FCMR: variants seen among roughly 807,000 people sequenced by gnomAD.
The protein encoded by FCMR is Fc mu receptor, also known as immunoglobulin mu Fc receptor.
Under a neutral mutation model 41.6 loss-of-function variants are expected in FCMR, and 34 were observed. That is an observed-to-expected ratio of 0.82 (90% CI 0.62 to 1.09). The LOEUF (loss-of-function observed/expected upper bound fraction) is 1.09, where lower values mean the gene tolerates loss of function less well. Ranked by LOEUF, FCMR falls within the 50% of genes least tolerant of loss-of-function variation. The probability of loss-of-function intolerance (pLI) is 0.00; values close to 1 mark genes in which losing one functional copy is unlikely to be tolerated. For synonymous variants in FCMR, 209 were observed against 211.8 expected (o/e 0.99, Z 0.12); for missense variants, 496 against 512.5 (o/e 0.97, Z 0.31).
intron 3 of FCMR, 89 bp downstream of exon 3, chr1:206,912,840 T>C (rs1321428225): frequency 1.6e-5 from 15 of 915,822 alleles, no homozygotes; most frequent in Non-Finnish European, 1.8e-5. Context: ...TGCCAGCCAC[T>C]CTATGAACTG....
rs368503889 is a variant in FCMR, at chr1:206,911,738, G to C, written c.702C>G (p.His234Gln). 2 of 1,610,882 alleles carry C rather than the reference G, an allele frequency of 1.2e-6. No individual in the cohort carries two copies. Among genetic ancestry groups the C allele is most frequent in the African/African-American group, 2.7e-5 (2 of 74,700 alleles). ...TPSYNHHTRLHRQRALDYGSQ... is the reference protein window; with the variant it reads ...TPSYNHHTRLQRQRALDYGSQ... Reference sequence around the variant, plus strand: ...GGACAGTGGTCTCTTACCTCTGCCTGTGCAGCCTGGTGTGGTGGTTGTAGC... The same window carrying C: ...GGACAGTGGTCTCTTACCTCTGCCTCTGCAGCCTGGTGTGGTGGTTGTAGC... The change falls in exon 4 of 8, where the codon CAC (histidine) becomes CAG (glutamine). Residue 234 changes from histidine (H) to glutamine (Q), a missense_variant. Transcript: ENST00000367091.
chr1:206,914,357 T>TTC (rs1558003870), intron 1 of FCMR, among the ~76,000 whole-genome samples: 1 of 131,600 alleles, frequency 7.6e-6, no homozygotes, highest in Non-Finnish European at 1.6e-5. Context: ...TTCCTTCCTT[T>TTC]CTTTCTTTTT....
intron 1 of FCMR, among the ~76,000 whole-genome samples, chr1:206,920,744 T>C (rs1457403753): frequency 2.0e-5 from 3 of 152,216 alleles, no homozygotes; most frequent in Non-Finnish European, 4.4e-5. Flanking sequence ...ACTGCAGGCA[T>C]CCTGAGTTAG....
At chr1:206,917,338 C>T (rs1213078057) in intron 1 of FCMR, among the ~76,000 whole-genome samples, 6 of 152,048 alleles carry the variant, frequency 3.9e-5, no homozygotes, top group South Asian at 2.1e-4. Context: ...GTTTATCAAA[C>T]GGGGCATGGA....
chr1:206,913,634 T>C (rs147808423), intron 2 of FCMR, 125 bp downstream of exon 2: 14 of 724,140 alleles, frequency 1.9e-5, no homozygotes, highest in Non-Finnish European at 2.8e-5. Context: ...ATCTCAATCA[T>C]TATGTGGCTT....
chr1:206,921,293 C>T (rs919027253), intron 1 of FCMR: 4 of 305,926 alleles, frequency 1.3e-5, no homozygotes, highest in Non-Finnish European at 2.7e-5. Flanking sequence ...AGAGATGACA[C>T]CTTCAGCTCT....
At chr1:206,916,780 G>A (rs568623344) in intron 1 of FCMR, among the ~76,000 whole-genome samples, 1 of 152,384 alleles carries the variant, frequency 6.6e-6, no homozygotes, top group East Asian at 1.9e-4. Flanking sequence ...AGACTCATCT[G>A]AGGAGATTGG....
At chr1:206,906,152 T>C in intron 7 of FCMR, 1 of 516,800 alleles carries the variant, frequency 1.9e-6, no homozygotes, top group Non-Finnish European at 3.9e-6. Context: ...AAGAAAGACC[T>C]GGATCCCAGA....
At chr1:206,917,299 G>C (rs568846884) in intron 1 of FCMR, among the ~76,000 whole-genome samples, 1,916 of 152,266 alleles carry the variant, frequency 0.013, 24 homozygotes, top group Non-Finnish European at 0.018. Context: ...CAGATCTCAG[G>C]AAGAGGAGAG....
At chr1:206,906,376 G>A (rs1328829965) in intron 7 of FCMR, 1 of 194,054 alleles carries the variant, frequency 5.2e-6, no homozygotes, top group Non-Finnish European at 1.1e-5. Flanking sequence ...AAGAGGATGA[G>A]GCAGAGGAAA....
At position 206,909,753 on chromosome 1, in the gene FCMR, C is replaced by A; in HGVS notation, c.957G>T (p.Pro319=). 1 of 1,464,072 alleles carries A rather than the reference C, an allele frequency of 6.8e-7. No homozygotes were observed. Among genetic ancestry groups the A allele is most frequent in the Admixed American group, 2.7e-5 (1 of 37,590 alleles). The allele number at this position is 1,464,072 out of a possible 1,614,324, so 90.7% of individuals were successfully genotyped here. The part of the protein sequence containing the change: ...RSQNNIYSAC[P]RRARGADAAG... ...CAGCGTCCGCTCCACGAGCGCGCCG[C>A]GGGCAGGCGCTGTAGATGTTGTTTT... is the stretch of plus-strand genomic sequence containing the variant. Residue 319 remains proline, a synonymous_variant, in exon 6 of 8, where the codon CCG becomes CCT. Transcript: ENST00000367091. This position sits in a 1 kb window ranked among gnomAD's most constrained non-coding sequence, Gnocchi z 5.0.
At chr1:206,916,402 A>G (rs1237141554) in intron 1 of FCMR, among the ~76,000 whole-genome samples, 1 of 152,210 alleles carries the variant, frequency 6.6e-6, no homozygotes, top group Non-Finnish European at 1.5e-5. Context: ...CAAGAGCAAG[A>G]TGGTACACAA....
At chr1:206,912,861 CCCT>C in intron 3 of FCMR, 65 bp downstream of exon 3, 1 of 1,070,160 alleles carries the variant, frequency 9.3e-7, no homozygotes, top group Non-Finnish European at 1.5e-6. Flanking sequence ...AACATAGACC[CCCT>C]CCTCCATTTT....
intron 1 of FCMR, among the ~76,000 whole-genome samples, chr1:206,916,370 G>C (rs2102571103): frequency 6.6e-6 from 1 of 152,342 alleles, no homozygotes; most frequent in African/African-American, 2.4e-5. Context: ...CAGCCAGGAA[G>C]GGGGTGTGAA....
chr1:206,921,818 C>G lies in FCMR; in HGVS notation c.37G>C (p.Val13Leu). 1 of 1,613,922 alleles carries G rather than the reference C, an allele frequency of 6.2e-7. No individual in the cohort carries two copies. Among genetic ancestry groups the G allele is most frequent in the Non-Finnish European group, 8.5e-7 (1 of 1,179,804 alleles). The stretch of plus-strand genomic sequence containing the variant: ...TGAAGTGTTTCCCCACGGTACTTAC[C>G]TGGCAGGAAGTAAAGTGGCCAAAGC... ...FWLWPLYFLP[V>L]SGALRILPEV... Residue 13 changes from valine (V) to leucine (L), a missense_variant and splice_region_variant, in exon 1 of 8, where the codon GTA (valine) becomes CTA (leucine). Physicochemically the swap from Val to Leu is conservative, Grantham distance 32 (BLOSUM62 1). Transcript: ENST00000367091.
At chr1:206,919,474 T>C (rs1290195055) in intron 1 of FCMR, among the ~76,000 whole-genome samples, 1 of 152,136 alleles carries the variant, frequency 6.6e-6, no homozygotes, top group Non-Finnish European at 1.5e-5. Context: ...CATGTGCCTG[T>C]AGTCCCAGCT....
chr1:206,918,503 A>C (rs1432927099), intron 1 of FCMR, among the ~76,000 whole-genome samples: 2 of 152,154 alleles, frequency 1.3e-5, no homozygotes, highest in Non-Finnish European at 2.9e-5. Flanking sequence ...AATGTGTAAG[A>C]TATATGCCAA....
chr1:206,907,087 T>TGGGGGGGG (rs1441828397), intron 7 of FCMR, among the ~76,000 whole-genome samples: 6 of 19,572 alleles, frequency 3.1e-4, no homozygotes, highest in Non-Finnish European at 5.6e-4. Context: ...AGCCGGGGGG[T>TGGGGGGGG]GGGGGGGTGG....
rs570774936 is a variant in FCMR at position 206,918,075 on chromosome 1, G to A, written c.37+3743C>T. Among the ~76,000 whole-genome samples the A allele has an allele frequency of 2.6e-5, 4 of 152,114 alleles. No individual in the cohort carries two copies. The East Asian group carries it at 5.8e-4, about 22-fold the overall frequency. Reference sequence around the variant, plus strand: ...TTCAATCCACTTCTATCAGAATTTCGTGTCCAGTATTCCACTGAAACTGCT... The same window carrying A: ...TTCAATCCACTTCTATCAGAATTTCATGTCCAGTATTCCACTGAAACTGCT... On this transcript the variant is annotated intron_variant, in intron 1 of 7. Transcript: ENST00000367091.
Sources: gnomAD v4.1 joint callset for allele counts (sites outside exome capture counted in the v4.1 genomes callset) on GRCh38, gnomAD v4.1.1 for gene constraint, Gnocchi (gnomAD v3.1) non-coding constraint, MANE v1.5 for transcripts, NCBI Gene and HGNC (gene_info 2026-07-23, HGNC 2026-07-21) for gene names.